RBMS3: variants seen among roughly 807,000 people sequenced by gnomAD.
The protein encoded by RBMS3 is RNA-binding motif, single-stranded-interacting protein 3.
Under a neutral mutation model 66.8 loss-of-function variants are expected in RBMS3, and 27 were observed. That is an observed-to-expected ratio of 0.40 (90% CI 0.30 to 0.56). The LOEUF is 0.56. Ranked by LOEUF, RBMS3 falls within the 20% of genes least tolerant of loss-of-function variation. RBMS3 has a pLI of 0.40. For synonymous variants in RBMS3, 188 were observed against 183.0 expected (o/e 1.03, Z -0.22); for missense variants, 513 against 549.5 (o/e 0.93, Z 0.66).
intron 12 of RBMS3, among the ~76,000 whole-genome samples, chr3:29,955,408 G>C (rs998544193): frequency 6.6e-6 from 1 of 151,934 alleles, no homozygotes; most frequent in African/African-American, 2.4e-5. Context: ...CAATTTCAAA[G>C]TCACTGCCAC....
chr3:29,746,670 C>T (rs2054909320), intron 5 of RBMS3, among the ~76,000 whole-genome samples: 1 of 152,090 alleles, frequency 6.6e-6, no homozygotes, highest in Non-Finnish European at 1.5e-5. Flanking sequence ...GATGAACATT[C>T]TATTTTCTTT....
chr3:29,780,979 T>C (rs1402069486), intron 6 of RBMS3, among the ~76,000 whole-genome samples: 1 of 152,158 alleles, frequency 6.6e-6, no homozygotes, highest in Non-Finnish European at 1.5e-5. Context: ...TTTTATTTTA[T>C]TATACTTTAA....
chr3:29,352,839 A>G (rs955799692), intron 1 of RBMS3, among the ~76,000 whole-genome samples: 6 of 151,934 alleles, frequency 3.9e-5, no homozygotes, highest in African/African-American at 1.4e-4. Flanking sequence ...AGAATATGCA[A>G]TATTTGTCTT....
intron 4 of RBMS3, among the ~76,000 whole-genome samples, chr3:29,676,194 A>G (rs2051241582): frequency 1.3e-5 from 2 of 152,184 alleles, no homozygotes; most frequent in African/African-American, 4.8e-5. Context: ...CAAACACTGC[A>G]TGTTCTCACT....
intron 7 of RBMS3, among the ~76,000 whole-genome samples, chr3:29,872,055 G>A (rs956784487): frequency 6.6e-6 from 1 of 152,054 alleles, no homozygotes; most frequent in African/African-American, 2.4e-5. Flanking sequence ...TCTTTCAAGA[G>A]ACAATTGGAA....
At chr3:29,945,318 T>C (rs1695231352) in intron 12 of RBMS3, among the ~76,000 whole-genome samples, 1 of 151,712 alleles carries the variant, frequency 6.6e-6, no homozygotes, top group African/African-American at 2.4e-5. Context: ...AGGGTAATTC[T>C]TTTTTAATTT....
chr3:29,671,186 G>A (rs1407356417), intron 4 of RBMS3, among the ~76,000 whole-genome samples: 1 of 152,190 alleles, frequency 6.6e-6, no homozygotes. Flanking sequence ...GCAGCTGAGG[G>A]TCCTGACTGT....
intron 5 of RBMS3, among the ~76,000 whole-genome samples, chr3:29,745,533 C>A (rs1186981230): frequency 6.6e-6 from 1 of 151,868 alleles, no homozygotes; most frequent in South Asian, 2.1e-4. Flanking sequence ...GCAAAAATCA[C>A]ATTGAGAGGG....
At chr3:29,286,329 T>C (rs1047516958) in intron 1 of RBMS3, among the ~76,000 whole-genome samples, 1 of 152,068 alleles carries the variant, frequency 6.6e-6, no homozygotes, top group Non-Finnish European at 1.5e-5. Context: ...AAGCCTTCAT[T>C]ATCAGTGGGA....
intron 1 of RBMS3, among the ~76,000 whole-genome samples, chr3:29,311,837 C>A (rs1188914534): frequency 6.6e-6 from 1 of 151,762 alleles, no homozygotes; most frequent in Non-Finnish European, 1.5e-5. Flanking sequence ...CCATAGCAAT[C>A]ATTAAATCAA....
At chr3:29,512,310 A>G (rs2044444684) in intron 3 of RBMS3, among the ~76,000 whole-genome samples, 1 of 152,108 alleles carries the variant, frequency 6.6e-6, no homozygotes, top group African/African-American at 2.4e-5. Context: ...AAAGGTTTTA[A>G]AAACAGTAAT....
At chr3:29,486,935 T>G (rs1417117411) in intron 2 of RBMS3, among the ~76,000 whole-genome samples, 2 of 152,136 alleles carry the variant, frequency 1.3e-5, no homozygotes, top group African/African-American at 4.8e-5. Flanking sequence ...TTTCTTTTTC[T>G]GATTTTTACT....
chr3:29,404,064 G>A (rs2039917417), intron 1 of RBMS3, among the ~76,000 whole-genome samples: 1 of 152,140 alleles, frequency 6.6e-6, no homozygotes, highest in Non-Finnish European at 1.5e-5. Flanking sequence ...CTGATGTCCA[G>A]CAGTGCTCCT....
intron 13 of RBMS3, among the ~76,000 whole-genome samples, chr3:29,989,044 T>C (rs563290754): frequency 6.6e-6 from 1 of 152,314 alleles, no homozygotes; most frequent in Admixed American, 6.5e-5. Context: ...TTAAAAGATC[T>C]TAGATGATTC....
At chr3:29,564,076 A>G (rs1010095263) in intron 3 of RBMS3, among the ~76,000 whole-genome samples, 1 of 152,174 alleles carries the variant, frequency 6.6e-6, no homozygotes, top group Non-Finnish European at 1.5e-5. Context: ...AAAGAAGGAA[A>G]GAAAATGTTT....
intron 6 of RBMS3, among the ~76,000 whole-genome samples, chr3:29,814,398 G>A (rs1482478538): frequency 6.6e-6 from 1 of 152,094 alleles, no homozygotes; most frequent in African/African-American, 2.4e-5. Context: ...TTTTATTGAG[G>A]ATTTTTGCAT....
At chr3:29,439,031 A>G (rs2041508603) in intron 2 of RBMS3, among the ~76,000 whole-genome samples, 1 of 152,216 alleles carries the variant, frequency 6.6e-6, no homozygotes, top group Non-Finnish European at 1.5e-5. Context: ...TAATCTAGAA[A>G]AAAGTGGAAG....
chr3:29,582,953 AAC>A (rs979336770), intron 3 of RBMS3, among the ~76,000 whole-genome samples: 4 of 152,230 alleles, frequency 2.6e-5, no homozygotes, highest in Admixed American at 2.6e-4. Context: ...ATATATGAAA[AAC>A]ACATAATTTG....
At chr3:29,892,735 G>A (rs192916685) in intron 8 of RBMS3, among the ~76,000 whole-genome samples, 13 of 151,376 alleles carry the variant, frequency 8.6e-5, no homozygotes, top group African/African-American at 3.1e-4. Context: ...AAATTCATAT[G>A]TTTAGAATTA....
Sources: allele counts gnomAD v4.1 joint callset (sites outside exome capture counted in the v4.1 genomes callset), GRCh38; gene constraint gnomAD v4.1.1; transcripts MANE v1.5; gene names NCBI Gene and HGNC (gene_info 2026-07-23, HGNC 2026-07-21).